TTLL7: variants seen among roughly 807,000 people sequenced by gnomAD.
The protein encoded by TTLL7 is tubulin tyrosine ligase like 7, also known as tubulin polyglutamylase TTLL7.
In TTLL7, 53 loss-of-function variants were observed where a neutral mutation model predicts 120.2. The ratio of observed to expected loss-of-function variants is 0.44; its 90% CI spans 0.35 to 0.55. The LOEUF is 0.55. Among genes scored for constraint, TTLL7 ranks in the 20% least tolerant of loss-of-function variants. The pLI, the probability that TTLL7 is intolerant of heterozygous loss-of-function variation, is 0.00. For synonymous variants in TTLL7, 353 were observed against 351.7 expected, an observed-to-expected ratio of 1.00 and a Z score of -0.04; for missense variants, 803 against 1,054.7, an observed-to-expected ratio of 0.76 and a Z score of 3.31.
chr1:83,891,657 G>T (rs903508390), intron 18 of TTLL7, among the ~76,000 whole-genome samples: 4 of 152,046 alleles, frequency 2.6e-5, no homozygotes, highest in Admixed American at 2.0e-4. Flanking sequence ...AGGAACAATC[G>T]AACTCTTCAA....
intron 13 of TTLL7, among the ~76,000 whole-genome samples, chr1:83,919,244 T>C (rs982994538): frequency 1.4e-5 from 2 of 145,362 alleles, no homozygotes; most frequent in African/African-American, 5.2e-5. Flanking sequence ...CCTTTTACTA[T>C]GGTGTACAGA....
chr1:83,956,042 T>C (rs1173601802), intron 1 of TTLL7, among the ~76,000 whole-genome samples: 2 of 151,964 alleles, frequency 1.3e-5, no homozygotes, highest in East Asian at 3.9e-4. Context: ...AAAAGAGAAA[T>C]AGTCATCAAG....
intron 18 of TTLL7, among the ~76,000 whole-genome samples, chr1:83,900,541 C>T (rs892968160): frequency 6.6e-6 from 1 of 151,758 alleles, no homozygotes; most frequent in African/African-American, 2.4e-5. Context: ...CAAGGACAGC[C>T]GAAGCAAGGT....
chr1:83,897,280 G>T (rs758748958), intron 18 of TTLL7, among the ~76,000 whole-genome samples: 2 of 151,992 alleles, frequency 1.3e-5, no homozygotes, highest in Non-Finnish European at 2.9e-5. Flanking sequence ...ACTTAAATAA[G>T]AGTCTTGTGC....
intron 1 of TTLL7, among the ~76,000 whole-genome samples, chr1:83,986,699 G>C (rs771313015): frequency 3.9e-5 from 6 of 152,206 alleles, no homozygotes; most frequent in Non-Finnish European, 7.3e-5. Flanking sequence ...AAATTGGCCA[G>C]GAGTGGTGGC....
At chr1:83,939,422 G>A (rs1647722701) in intron 7 of TTLL7, among the ~76,000 whole-genome samples, 1 of 152,076 alleles carries the variant, frequency 6.6e-6, no homozygotes. Flanking sequence ...AATTAAGTAA[G>A]GGAACTTTGC....
At chr1:83,949,828 T>A in intron 4 of TTLL7, 37 bp downstream of exon 4, 1 of 1,609,422 alleles carries the variant, frequency 6.2e-7, no homozygotes, top group Non-Finnish European at 8.5e-7. Flanking sequence ...CATATAACTT[T>A]CCTCATACCA....
At chr1:83,906,643 A>G (rs921448512) in intron 16 of TTLL7, 180 bp from the exon 17 acceptor site, 23 of 755,932 alleles carry the variant, frequency 3.0e-5, no homozygotes, top group Non-Finnish European at 4.6e-5. Flanking sequence ...ATGAATCCCA[A>G]GAGTGTCTTT....
chr1:83,891,674 G>A (rs1273389618), intron 18 of TTLL7, among the ~76,000 whole-genome samples: 3 of 152,056 alleles, frequency 2.0e-5, no homozygotes, highest in African/African-American at 7.2e-5. Flanking sequence ...TCAACAACAG[G>A]AGATTCAGTA....
chr1:83,881,545 C>T (rs954927197), intron 20 of TTLL7, among the ~76,000 whole-genome samples: 6 of 152,184 alleles, frequency 3.9e-5, no homozygotes, highest in African/African-American at 1.4e-4. Flanking sequence ...GAGATACCAT[C>T]TCACACCAGT....
chr1:83,938,309 C>T (rs1156780941), intron 7 of TTLL7, among the ~76,000 whole-genome samples: 4 of 152,070 alleles, frequency 2.6e-5, no homozygotes. Context: ...TGTGAAACTA[C>T]ATATTGCTAA....
chr1:83,916,239 C>A (rs1174503551), intron 14 of TTLL7, among the ~76,000 whole-genome samples: 1 of 152,050 alleles, frequency 6.6e-6, no homozygotes, highest in Non-Finnish European at 1.5e-5. Context: ...TTGGAACCAA[C>A]CCAAATGTTC....
intron 18 of TTLL7, chr1:83,900,052 T>C (rs11163863): frequency 0.035 from 12,434 of 351,430 alleles, 280 homozygotes; most frequent in Middle Eastern, 0.069. Flanking sequence ...ACATATGAAA[T>C]TGTTTCTTCC....
At chr1:83,940,774 T>C (rs1245261309) in intron 7 of TTLL7, among the ~76,000 whole-genome samples, 1 of 152,204 alleles carries the variant, frequency 6.6e-6, no homozygotes, top group East Asian at 1.9e-4. Context: ...TTATTCAAAA[T>C]ATATGTAACT....
Position 83,930,509 on chromosome 1 carries a change from G to C in TTLL7, c.1048-1279C>G, listed in dbSNP as rs540201754. ...TTATTATAGGTCAATTTGAGAAAGG[G>C]AGTTTATTAATCTATTACGAAAGCT... On this transcript the variant is annotated intron_variant, in intron 9 of 20. Coordinates refer to ENST00000260505, the MANE Select transcript of TTLL7 (RefSeq NM_024686.6). 3.5e-4 allele frequency among the ~76,000 whole-genome samples: 54 copies of C among 152,264 alleles called. 1 individual carries two copies. The South Asian group carries it at 0.011, about 30-fold the overall frequency.
intron 1 of TTLL7, among the ~76,000 whole-genome samples, chr1:83,962,063 A>G (rs939458855): frequency 6.6e-6 from 1 of 152,130 alleles, no homozygotes; most frequent in Non-Finnish European, 1.5e-5. Context: ...AAAGAGAGGG[A>G]CTAGGGGAAG....
At chr1:83,939,002 G>A (rs1371725027) in intron 7 of TTLL7, among the ~76,000 whole-genome samples, 2 of 152,142 alleles carry the variant, frequency 1.3e-5, no homozygotes, top group South Asian at 2.1e-4. Flanking sequence ...ATGATAATTT[G>A]AGGTACATGT....
At chr1:83,919,121 T>C (rs1449489785) in intron 13 of TTLL7, among the ~76,000 whole-genome samples, 1 of 151,952 alleles carries the variant, frequency 6.6e-6, no homozygotes, top group African/African-American at 2.4e-5. Flanking sequence ...TACTATATGA[T>C]TCACCCCAGG....
chr1:83,883,881 A>C (rs1654735568), intron 19 of TTLL7, among the ~76,000 whole-genome samples: 1 of 152,108 alleles, frequency 6.6e-6, no homozygotes, highest in East Asian at 1.9e-4. Flanking sequence ...TTCCTAGAGC[A>C]CAGGTTCTGT....
Sources: allele counts gnomAD v4.1 joint callset (sites outside exome capture counted in the v4.1 genomes callset), GRCh38; gene constraint gnomAD v4.1.1; transcripts MANE v1.5; gene names NCBI Gene and HGNC (gene_info 2026-07-23, HGNC 2026-07-21).